UNC5D: variants seen among roughly 807,000 people sequenced by gnomAD.
UNC5D encodes the protein netrin receptor UNC5D.
In UNC5D, 39 loss-of-function variants were observed where a neutral mutation model predicts 105.4. The observed-to-expected ratio is 0.37, with a 90% confidence interval of 0.29 to 0.48. The LOEUF is 0.48. UNC5D is among the 20% of genes least tolerant of loss of function. The probability of loss-of-function intolerance (pLI) is 0.98; values close to 1 mark genes in which losing one functional copy is unlikely to be tolerated. For missense variants in UNC5D, 991 were observed against 1,202.4 expected (o/e 0.82, Z 2.60); for synonymous variants, 452 against 450.4 (o/e 1.00, Z -0.04).
chr8:35,340,725 TGAG>T (rs1244592496), intron 1 of UNC5D, among the ~76,000 whole-genome samples: 1 of 152,102 alleles, frequency 6.6e-6, no homozygotes, highest in African/African-American at 2.4e-5. Flanking sequence ...CACTCTTACT[TGAG>T]GACCTTAAAG....
intron 1 of UNC5D, among the ~76,000 whole-genome samples, chr8:35,236,338 GGT>G (rs1317796332): frequency 6.6e-6 from 1 of 152,188 alleles, no homozygotes; most frequent in Non-Finnish European, 1.5e-5. Flanking sequence ...GAACAGAGAG[GGT>G]GTCTTTTCCC....
intron 1 of UNC5D, among the ~76,000 whole-genome samples, chr8:35,348,556 A>T (rs1811969761): frequency 6.6e-6 from 1 of 151,730 alleles, no homozygotes; most frequent in Non-Finnish European, 1.5e-5. Context: ...TCATCTAGTC[A>T]TGAGAAAAGG....
intron 1 of UNC5D, among the ~76,000 whole-genome samples, chr8:35,436,216 A>G (rs1807004843): frequency 6.6e-6 from 1 of 151,958 alleles, no homozygotes; most frequent in African/African-American, 2.4e-5. Context: ...TATAGTTTTA[A>G]TGTGTTTGAT....
At chr8:35,527,788 C>T (rs927981388) in intron 1 of UNC5D, among the ~76,000 whole-genome samples, 2 of 152,012 alleles carry the variant, frequency 1.3e-5, no homozygotes, top group African/African-American at 2.4e-5. Flanking sequence ...GGTGATCTGC[C>T]CTCAATGTAC....
intron 1 of UNC5D, among the ~76,000 whole-genome samples, chr8:35,299,487 C>T (rs537299599): frequency 6.6e-6 from 1 of 152,104 alleles, no homozygotes; most frequent in Non-Finnish European, 1.5e-5. Flanking sequence ...CCTTTCTTCC[C>T]TCTTGATGAT....
intron 1 of UNC5D, among the ~76,000 whole-genome samples, chr8:35,237,861 C>A (rs1468164349): frequency 3.9e-5 from 6 of 152,138 alleles, no homozygotes; most frequent in Non-Finnish European, 8.8e-5. Context: ...GCCACATGCA[C>A]CTGGCTTTGC....
rs191415196 is a variant in UNC5D at position 35,569,215 on chromosome 8, T to C, written c.466+974T>C. ...ACTTTTTTTCTCCTCCTTGCAAATG[T>C]CTTCAGCCCTCCCACTTCCATTATT... On this transcript the variant is annotated intron_variant, in intron 3 of 16. Coordinates refer to ENST00000404895, the MANE Select transcript of UNC5D (RefSeq NM_080872.4). 5.3e-5 allele frequency among the ~76,000 whole-genome samples: 8 copies of C among 152,334 alleles called. No individual in the cohort carries two copies. In the East Asian group the frequency reaches 1.5e-3, roughly 29 times the overall value.
intron 13 of UNC5D, among the ~76,000 whole-genome samples, chr8:35,751,921 A>G (rs183394622): frequency 4.6e-5 from 7 of 152,292 alleles, no homozygotes; most frequent in African/African-American, 7.2e-5. Flanking sequence ...AGAAAGGAAC[A>G]CCACATCAAG....
intron 1 of UNC5D, among the ~76,000 whole-genome samples, chr8:35,422,293 TAGAA>T (rs753855000): frequency 7.9e-5 from 12 of 152,196 alleles, no homozygotes; most frequent in Non-Finnish European, 1.2e-4. Context: ...GTGTCATGCT[TAGAA>T]AGAGGTTGGA....
chr8:35,763,437 GGTCA>G (rs1267409414), intron 14 of UNC5D, among the ~76,000 whole-genome samples: 8 of 144,480 alleles, frequency 5.5e-5, no homozygotes, highest in African/African-American at 1.9e-4. Flanking sequence ...TTAAATGAAT[GGTCA>G]GTGCCTTTTT....
At chr8:35,674,681 T>G (rs1825079864) in intron 4 of UNC5D, among the ~76,000 whole-genome samples, 1 of 152,164 alleles carries the variant, frequency 6.6e-6, no homozygotes, top group South Asian at 2.1e-4. Context: ...ACCAGAGTCC[T>G]GGCATGTGCG....
chr8:35,322,207 C>T (rs1809802997), intron 1 of UNC5D, among the ~76,000 whole-genome samples: 1 of 152,234 alleles, frequency 6.6e-6, no homozygotes, highest in Non-Finnish European at 1.5e-5. Context: ...TTTCCTTGGC[C>T]ATGGATTTCT....
intron 11 of UNC5D, among the ~76,000 whole-genome samples, chr8:35,742,960 T>A (rs1000748448): frequency 4.1e-4 from 62 of 152,318 alleles, no homozygotes; most frequent in African/African-American, 1.4e-3. Context: ...CTGATTTTTT[T>A]AAATTATTAT....
At chr8:35,309,192 G>T (rs776552687) in intron 1 of UNC5D, among the ~76,000 whole-genome samples, 2 of 152,104 alleles carry the variant, frequency 1.3e-5, no homozygotes, top group South Asian at 4.1e-4. Flanking sequence ...CAATGATGAT[G>T]CCTATTTCAA....
At chr8:35,269,332 T>C (rs1805109405) in intron 1 of UNC5D, among the ~76,000 whole-genome samples, 1 of 152,200 alleles carries the variant, frequency 6.6e-6, no homozygotes, top group African/African-American at 2.4e-5. Context: ...TTCCTGTCTC[T>C]CTGTCTGGGG....
intron 3 of UNC5D, among the ~76,000 whole-genome samples, chr8:35,572,059 G>A (rs528777760): frequency 6.6e-6 from 1 of 152,188 alleles, no homozygotes; most frequent in African/African-American, 2.4e-5. Flanking sequence ...GGCCGAGGCA[G>A]GTGGAATGCT....
At chr8:35,427,586 G>T (rs575883749) in intron 1 of UNC5D, among the ~76,000 whole-genome samples, 1 of 152,178 alleles carries the variant, frequency 6.6e-6, no homozygotes, top group African/African-American at 2.4e-5. Flanking sequence ...AGGGATATTA[G>T]ATATAGATGA....
At chr8:35,456,679 C>G (rs1461228177) in intron 1 of UNC5D, among the ~76,000 whole-genome samples, 1 of 152,098 alleles carries the variant, frequency 6.6e-6, no homozygotes, top group Non-Finnish European at 1.5e-5. Flanking sequence ...CCATAATGGA[C>G]AATTGGAGAA....
At chr8:35,579,515 A>G (rs1331795036) in intron 3 of UNC5D, among the ~76,000 whole-genome samples, 1 of 152,188 alleles carries the variant, frequency 6.6e-6, no homozygotes, top group Non-Finnish European at 1.5e-5. Flanking sequence ...GGCCTAAGAT[A>G]CACTTCCTGA....
Sources: allele counts gnomAD v4.1 joint callset (sites outside exome capture counted in the v4.1 genomes callset), GRCh38; gene constraint gnomAD v4.1.1; transcripts MANE v1.5; gene names NCBI Gene and HGNC (gene_info 2026-07-23, HGNC 2026-07-21).